Variants in NLGN1 observed in about 807,000 individuals in gnomAD.
NLGN1 encodes neuroligin 1.
In NLGN1, 12 loss-of-function variants were observed where a neutral mutation model predicts 65.5. The observed-to-expected ratio is 0.18, with a 90% CI of 0.12 to 0.30. The LOEUF is 0.30. Among genes scored for constraint, NLGN1 ranks in the 10% least tolerant of loss-of-function variants. The probability of loss-of-function intolerance (pLI) is 1.00; values close to 1 mark genes in which losing one functional copy is unlikely to be tolerated. For missense variants in NLGN1, 750 were observed against 1,007.1 expected (o/e 0.74, Z 3.46); for synonymous variants, 350 against 359.5 (o/e 0.97, Z 0.30).
chr3:173,691,463 C>T (rs1172469740), intron 3 of NLGN1, among the ~76,000 whole-genome samples: 2 of 152,122 alleles, frequency 1.3e-5, no homozygotes, highest in African/African-American at 4.8e-5. Flanking sequence ...TTCTTATTTA[C>T]ATCATAAGGA....
intron 5 of NLGN1, among the ~76,000 whole-genome samples, chr3:174,277,685 A>C (rs995228833): frequency 2.0e-5 from 3 of 151,922 alleles, no homozygotes; most frequent in Non-Finnish European, 4.4e-5. Context: ...ATGTATATTA[A>C]TACTGTTAGA....
intron 4 of NLGN1, among the ~76,000 whole-genome samples, chr3:174,125,648 G>T (rs1024758805): frequency 3.9e-4 from 60 of 152,098 alleles, no homozygotes; most frequent in Admixed American, 1.3e-3. Context: ...CTGAAATATT[G>T]CCTAGTGAGT....
At chr3:173,683,703 T>G (rs1764286192) in intron 3 of NLGN1, among the ~76,000 whole-genome samples, 1 of 152,208 alleles carries the variant, frequency 6.6e-6, no homozygotes, top group Non-Finnish European at 1.5e-5. Context: ...GTAATTCCTT[T>G]CACTTAGTTG....
chr3:174,194,819 A>C (rs1218853736), intron 4 of NLGN1, among the ~76,000 whole-genome samples: 1 of 150,030 alleles, frequency 6.7e-6, no homozygotes, highest in Non-Finnish European at 1.5e-5. Flanking sequence ...GAGACCCAGA[A>C]AGAAAGTTTC....
intron 4 of NLGN1, among the ~76,000 whole-genome samples, chr3:174,006,141 T>G (rs1013797147): frequency 6.6e-6 from 1 of 152,162 alleles, no homozygotes; most frequent in Non-Finnish European, 1.5e-5. Flanking sequence ...GCCCCATAAA[T>G]AGTTATAAAG....
At chr3:173,587,353 A>G (rs112785780) in intron 2 of NLGN1, among the ~76,000 whole-genome samples, 1,815 of 152,056 alleles carry the variant, frequency 0.012, 44 homozygotes, top group African/African-American at 0.042. Flanking sequence ...CAAAACTTTC[A>G]GTAAACTTTG....
intron 4 of NLGN1, among the ~76,000 whole-genome samples, chr3:174,027,907 G>A (rs1729160386): frequency 1.3e-5 from 2 of 152,054 alleles, no homozygotes; most frequent in South Asian, 4.2e-4. Context: ...TCAAGGGTGG[G>A]GCCAGGTGGA....
intron 3 of NLGN1, among the ~76,000 whole-genome samples, chr3:173,762,027 T>C (rs1165073796): frequency 6.6e-6 from 1 of 152,116 alleles, no homozygotes; most frequent in Non-Finnish European, 1.5e-5. Flanking sequence ...TCTTATAGCC[T>C]ACTGGTAATT....
chr3:173,670,325 C>T (rs140392730), intron 3 of NLGN1, among the ~76,000 whole-genome samples: 130 of 152,240 alleles, frequency 8.5e-4, no homozygotes, highest in African/African-American at 2.9e-3. Flanking sequence ...TTAACTTTAA[C>T]CTCACTTAGT....
At chr3:173,884,033 A>G (rs949141771) in intron 4 of NLGN1, among the ~76,000 whole-genome samples, 3 of 151,786 alleles carry the variant, frequency 2.0e-5, no homozygotes, top group Non-Finnish European at 4.4e-5. Flanking sequence ...GGTAGGGTAA[A>G]CTAAAGATTT....
intron 3 of NLGN1, among the ~76,000 whole-genome samples, chr3:173,662,976 G>A (rs567884757): frequency 2.6e-5 from 4 of 152,078 alleles, no homozygotes; most frequent in South Asian, 4.1e-4. Context: ...CAAGTATAAA[G>A]CACACTGCAG....
At chr3:173,929,649 T>G (rs1017240829) in intron 4 of NLGN1, among the ~76,000 whole-genome samples, 11 of 151,792 alleles carry the variant, frequency 7.2e-5, no homozygotes, top group African/African-American at 2.4e-4. Flanking sequence ...ACAAATCTCC[T>G]TATTAAAGTG....
exon 3 of NLGN1, chr3:173,604,753 A>G (rs1751102401): frequency 1.2e-6 from 2 of 1,613,742 alleles, no homozygotes; most frequent in Non-Finnish European, 1.7e-6. Flanking sequence ...GATGATGTGG[A>G]CCCACTGGTG....
rs1343689982 is a variant in NLGN1, at chr3:173,459,861, A to T, written c.-321+24783A>T. Among the ~76,000 whole-genome samples the T allele has an allele frequency of 2.6e-5, 4 of 152,032 alleles. No homozygotes were observed. The East Asian group carries it at 7.7e-4, about 29-fold the overall frequency. On this transcript the variant is annotated intron_variant, in intron 2 of 6. Coordinates refer to ENST00000457714, the Ensembl canonical transcript of NLGN1. Reference sequence around the variant, plus strand: ...TCAAATACATATTTTTAAAGAAGAAATTATAATCAGGAGCCTTATTTATAA... The same window carrying T: ...TCAAATACATATTTTTAAAGAAGAATTTATAATCAGGAGCCTTATTTATAA...
intron 4 of NLGN1, among the ~76,000 whole-genome samples, chr3:174,202,136 T>C (rs192750455): frequency 6.6e-6 from 1 of 152,158 alleles, no homozygotes; most frequent in African/African-American, 2.4e-5. Flanking sequence ...TCCCTCTCCG[T>C]TGAAATGTGT....
chr3:174,233,133 C>A (rs1741033066), intron 4 of NLGN1, among the ~76,000 whole-genome samples: 1 of 152,120 alleles, frequency 6.6e-6, no homozygotes, highest in South Asian at 2.1e-4. Context: ...TGCACTGTTA[C>A]TTCCCAGATT....
chr3:173,862,356 A>G (rs1420912494), intron 4 of NLGN1, among the ~76,000 whole-genome samples: 1 of 151,392 alleles, frequency 6.6e-6, no homozygotes, highest in Non-Finnish European at 1.5e-5. Flanking sequence ...AATACAAAAA[A>G]TTAGCCGGGC....
chr3:173,917,870 T>TG (rs10530688), intron 4 of NLGN1, among the ~76,000 whole-genome samples: 1 of 151,910 alleles, frequency 6.6e-6, no homozygotes, highest in East Asian at 1.9e-4. Flanking sequence ...TGTGTGTGTG[T>TG]TGGCCTTTAT....
intron 2 of NLGN1, among the ~76,000 whole-genome samples, chr3:173,464,138 G>C (rs549502891): frequency 6.6e-6 from 1 of 152,112 alleles, no homozygotes; most frequent in African/African-American, 2.4e-5. Flanking sequence ...ATTCTCTTCA[G>C]CTTCATAAAT....
Sources: allele counts gnomAD v4.1 joint callset (sites outside exome capture counted in the v4.1 genomes callset), GRCh38; gene constraint gnomAD v4.1.1; transcripts MANE v1.5; gene names NCBI Gene and HGNC (gene_info 2026-07-23, HGNC 2026-07-21).